FBN3: variants seen among roughly 807,000 people sequenced by gnomAD.
FBN3 encodes the protein fibrillin-3.
A neutral mutation model predicts 330.1 loss-of-function variants in FBN3; 234 were observed. That is an observed-to-expected ratio of 0.71 (90% CI 0.64 to 0.79). The LOEUF is 0.79. Among genes scored for constraint, FBN3 ranks in the 30% least tolerant of loss-of-function variants. FBN3 has a pLI of 0.00. For synonymous variants in FBN3, 1,458 were observed against 1,517.3 expected, an observed-to-expected ratio of 0.96 and a Z score of 0.91; for missense variants, 3,606 against 3,886.9, an observed-to-expected ratio of 0.93 and a Z score of 1.92.
intron 32 of FBN3, 62 bp from the exon 33 acceptor site, chr19:8,111,245 C>T: frequency 1.3e-6 from 2 of 1,518,712 alleles, no homozygotes; most frequent in Non-Finnish European, 1.8e-6. Flanking sequence ...ACAGGGTGGG[C>T]AGGAGGCCCC....
chr19:8,093,536 T>C (rs2082145172), intron 47 of FBN3, among the ~76,000 whole-genome samples: 1 of 152,124 alleles, frequency 6.6e-6, no homozygotes, highest in Non-Finnish European at 1.5e-5. Flanking sequence ...GGCAGGAGAA[T>C]GGCGTGAACC....
At chr19:8,072,355 G>C (rs768952691) in intron 62 of FBN3, among the ~76,000 whole-genome samples, 157 bp from the exon 63 acceptor site, 14 of 152,156 alleles carry the variant, frequency 9.2e-5, no homozygotes, top group Admixed American at 9.2e-4. Flanking sequence ...CCGTGTGCAC[G>C]AGTGTGTGTG....
intron 29 of FBN3, 143 bp from the exon 30 acceptor site, chr19:8,115,783 TC>T: frequency 1.0e-6 from 1 of 953,020 alleles, no homozygotes; most frequent in Non-Finnish European, 1.6e-6. Flanking sequence ...CTTTCTTTTC[TC>T]CAGGGGCGGG....
Position 8,066,165 on chromosome 19 carries a change from C to T in FBN3, c.8184G>A (p.Pro2728=), listed in dbSNP as rs752046207. 3.7e-6 allele frequency: 6 copies of T among 1,612,740 alleles called. No homozygotes were observed. The highest frequency in any genetic ancestry group is 1.7e-5 in the Admixed American group (1 of 59,990). ...GRAERILELR[P]ALEGLEGRIR... is the part of the protein sequence containing the mutation. Reference sequence around the variant, plus strand: ...TCCGGCCCTCTAGACCCTCCAGGGCCGGCCGGAGCTCCAGGATGCGCTCGG... The same window carrying T: ...TCCGGCCCTCTAGACCCTCCAGGGCTGGCCGGAGCTCCAGGATGCGCTCGG... The change falls in exon 64 of 64, where the codon CCG becomes CCA. Residue 2728 remains proline (P), a synonymous_variant. Transcript: ENST00000600128.
Position 8,111,760 on chromosome 19 carries a change from T to C in FBN3, c.3972A>G (p.Glu1324=). The C allele has an allele frequency of 6.2e-7, 1 of 1,612,518 alleles. No homozygotes were observed. The highest frequency in any genetic ancestry group is 1.1e-5 in the South Asian group (1 of 91,008). ...TGCACCGGTGCTCCTGGGAGACGCA[T>C]TCATCCAGGTCTGCAGGAGATGGAG... ...GDGFECHDLD[E]CVSQEHRCSP... is the part of the protein sequence containing the mutation. Residue 1324 remains glutamate, a synonymous_variant, in exon 32 of 64, where the codon GAA becomes GAG. Transcript: ENST00000600128.
Position 8,117,185 on chromosome 19 carries a change from G to A in FBN3, c.3570C>T (p.Asp1190=), listed in dbSNP as rs757038263. Residue 1190 remains aspartate (D), a synonymous_variant, in exon 28 of 64, where the codon GAC becomes GAT. Transcript: ENST00000600128. ...CCCACCTACCTGCACATGCCCTTCC[G>A]TCGGGCATCAGCGAGTAGCCCTGCC... ...SCGQGYSLMP[D]GRACADVDEC... 1.7e-5 allele frequency: 28 copies of A among 1,613,978 alleles called. 1 individual carries two copies. Among genetic ancestry groups the A allele is most frequent in the East Asian group, 2.2e-5 (1 of 44,890 alleles).
intron 59 of FBN3, 68 bp from the exon 60 acceptor site, chr19:8,075,479 C>T (rs2081619902): frequency 6.5e-7 from 1 of 1,529,876 alleles, no homozygotes; most frequent in Non-Finnish European, 8.9e-7. Flanking sequence ...GACACAATGC[C>T]AGTCCCACCA....
At chr19:8,135,936 G>GGGGGCCCCCCCCCCCCC in intron 13 of FBN3, 25 bp downstream of exon 13, 1 of 668,776 alleles carries the variant, frequency 1.5e-6, no homozygotes, top group Non-Finnish European at 2.4e-6. Flanking sequence ...GGAAGCCCCT[G>GGGGGCCCCCCCCCCCCC]CCCACCCGCC....
chr19:8,085,455 C>A lies in FBN3; in HGVS notation c.6995G>T (p.Trp2332Leu). ...AECCCGGGRG[W>L]GPRCELCPLP... ...GGGACAGAGCTCGCAGCGGGGCCCC[C>A]AGCCCCGGCCACCCCCACAGCAGCA... The change falls in exon 56 of 64, where the codon TGG becomes TTG. Residue 2332 changes from tryptophan to leucine, a missense_variant. Physicochemically the swap from Trp to Leu is moderately conservative, Grantham distance 61 (BLOSUM62 -2). Coordinates refer to ENST00000600128, the MANE Select transcript of FBN3 (RefSeq NM_032447.5). The A allele has an allele frequency of 6.3e-7, 1 of 1,575,682 alleles. No individual in the cohort carries two copies. The highest frequency in any genetic ancestry group is 8.6e-7 in the Non-Finnish European group (1 of 1,162,040).
At chr19:8,142,240 G>A in intron 6 of FBN3, 103 bp from the exon 7 acceptor site, 1 of 878,502 alleles carries the variant, frequency 1.1e-6, no homozygotes, top group South Asian at 1.7e-5. Flanking sequence ...CACAGACCAG[G>A]CTTTACTTAT....
chr19:8,115,515 C>T lies in FBN3; in HGVS notation c.3838G>A (p.Asp1280Asn). The T allele has an allele frequency of 6.2e-7, 1 of 1,613,736 alleles. No homozygotes were observed. Among genetic ancestry groups the T allele is most frequent in the South Asian group, 1.1e-5 (1 of 91,072 alleles). ...MVRKGATGCS[D>N]VDECEVGGHN... ...CCTGCACCGCTGACCGCCGGCTCAC[C>T]AGAGCAGCCTGTGGCCCCCTTCCTG... is the stretch of plus-strand genomic sequence containing the variant. The change falls in exon 30 of 64, where the codon GAT (aspartate) becomes AAT (asparagine). Residue 1280 changes from aspartate (D) to asparagine (N), a missense_variant and splice_region_variant. By Grantham distance (23) the Asp-to-Asn change is conservative (BLOSUM62 1). Coordinates refer to ENST00000600128, the MANE Select transcript of FBN3 (RefSeq NM_032447.5).
At position 8,103,615 on chromosome 19, in the gene FBN3, G is replaced by C; in HGVS notation, c.4886C>G (p.Thr1629Ser). The C allele has an allele frequency of 6.2e-7, 1 of 1,613,812 alleles. No individual in the cohort carries two copies. The highest frequency in any genetic ancestry group is 8.5e-7 in the Non-Finnish European group (1 of 1,179,788). ...GTCYNTLGNY[T>S]CVCPAEYLQV... ...GAGGTACTCTGCAGGGCAGACACAG[G>C]TGTAGTTCCCCAGGGTGTTGTAGCA... Residue 1629 changes from threonine (T) to serine (S), a missense_variant, in exon 39 of 64, where the codon ACC (threonine) becomes AGC (serine). Coordinates refer to ENST00000600128, the MANE Select transcript of FBN3 (RefSeq NM_032447.5).
intron 10 of FBN3, 133 bp from the exon 11 acceptor site, chr19:8,136,664 T>C: frequency 8.3e-7 from 1 of 1,201,072 alleles, no homozygotes; most frequent in Non-Finnish European, 1.2e-6. Context: ...TCCTGCCCTC[T>C]TTCTCATGGA....
At chr19:8,147,292 C>A in intron 2 of FBN3, 22 bp downstream of exon 2, 1 of 1,583,658 alleles carries the variant, frequency 6.3e-7, no homozygotes, top group East Asian at 2.3e-5. Context: ...AGGGGTCTCC[C>A]AGCATCCCAG....
At chr19:8,126,628 C>G in intron 19 of FBN3, 23 bp from the exon 20 acceptor site, 1 of 1,603,160 alleles carries the variant, frequency 6.2e-7, no homozygotes, top group South Asian at 1.1e-5. Flanking sequence ...GGCGGGTCAC[C>G]TGTCTCACCT....
chr19:8,115,482 C>A, intron 30 of FBN3, 33 bp downstream of exon 30: 2 of 1,609,746 alleles, frequency 1.2e-6, no homozygotes, highest in South Asian at 1.1e-5. Flanking sequence ...CCCGGGGAGT[C>A]CCCTCTGCCT....
intron 18 of FBN3, among the ~76,000 whole-genome samples, chr19:8,128,199 T>C (rs1054498686): frequency 6.6e-5 from 10 of 152,082 alleles, no homozygotes; most frequent in Non-Finnish European, 1.3e-4. Context: ...TTCTGGGATG[T>C]GTGTATAACT....
At chr19:8,082,409 CCTTTCTCTTTGTTT>C (rs1487275688) in intron 57 of FBN3, among the ~76,000 whole-genome samples, 5 of 148,882 alleles carry the variant, frequency 3.4e-5, no homozygotes, top group Non-Finnish European at 7.4e-5. Flanking sequence ...CTCTTTCTCC[CCTTTCTCTTTGTTT>C]CTTTCTCTCT....
chr19:8,095,473 T>C lies in FBN3; in HGVS notation c.5687A>G (p.Gln1896Arg). Residue 1896 changes from glutamine to arginine, a missense_variant, in exon 46 of 64, where the codon CAG (glutamine) becomes CGG (arginine). Transcript: ENST00000600128. ...DFDECTTLVG[Q>R]VCRFGHCLNT... is the part of the protein sequence containing the mutation. The stretch of plus-strand genomic sequence containing the variant: ...GAGGCAATGGCCAAATCGGCACACC[T>C]GCCCCACCAGGGTAGTACACTCATC... 6.2e-7 allele frequency: 1 copy of C among 1,613,660 alleles called. No individual in the cohort carries two copies. Among genetic ancestry groups the C allele is most frequent in the East Asian group, 2.2e-5 (1 of 44,836 alleles).
Sources: allele counts gnomAD v4.1 joint callset (sites outside exome capture counted in the v4.1 genomes callset), GRCh38; gene constraint gnomAD v4.1.1; transcripts MANE v1.5; gene names NCBI Gene and HGNC (gene_info 2026-07-23, HGNC 2026-07-21).